SERINC5: variants seen among roughly 807,000 people sequenced by gnomAD.
SERINC5 encodes the protein chromosome 5 open reading frame 12.
In SERINC5, 41 loss-of-function variants were observed where a neutral mutation model predicts 63.1. The ratio of observed to expected loss-of-function variants is 0.65; its 90% CI spans 0.51 to 0.84. The LOEUF is 0.84. Among genes scored for constraint, SERINC5 ranks in the 40% least tolerant of loss-of-function variants. The pLI is 0.00. For synonymous variants in SERINC5, 222 were observed against 215.2 expected (o/e 1.03, Z -0.28); for missense variants, 523 against 573.0 (o/e 0.91, Z 0.89).
chr5:80,185,624 G>A (rs1748746596), intron 2 of SERINC5, among the ~76,000 whole-genome samples: 1 of 152,256 alleles, frequency 6.6e-6, no homozygotes, highest in East Asian at 1.9e-4. Flanking sequence ...AGATAAGGGT[G>A]GGGCCGTTTT....
chr5:80,171,301 CTGGCCCTAAA>C (rs1030324762), intron 5 of SERINC5, among the ~76,000 whole-genome samples: 2 of 152,146 alleles, frequency 1.3e-5, no homozygotes, highest in Non-Finnish European at 2.9e-5. Context: ...GCCACTGTGC[CTGGCCCTAAA>C]TGTTTGATAA....
intron 8 of SERINC5, among the ~76,000 whole-genome samples, chr5:80,154,005 A>G (rs1327731764): frequency 6.6e-6 from 1 of 152,112 alleles, no homozygotes; most frequent in Non-Finnish European, 1.5e-5. Flanking sequence ...CCTGGAGATC[A>G]CACATTCCGC....
intron 11 of SERINC5, chr5:80,128,304 G>C (rs1460374357): frequency 1.3e-5 from 2 of 152,190 alleles, no homozygotes; most frequent in Non-Finnish European, 2.9e-5. Flanking sequence ...TCTTCTGGCT[G>C]GAATGCAGAT....
chr5:80,141,530 C>A lies in SERINC5; in HGVS notation c.*2133G>T. ...AGGACAAAGCAAGGGCTCTGCTAGA[C>A]CTCAGCAGGAGGAAAACAATGAAAC... On this transcript the variant is annotated 3_prime_UTR_variant, in exon 12 of 12. Coordinates refer to ENST00000507668, the MANE Select transcript of SERINC5 (RefSeq NM_001174072.3). The A allele has an allele frequency of 4.1e-6, 4 of 985,476 alleles. No homozygotes were observed. Among genetic ancestry groups the A allele is most frequent in the Non-Finnish European group, 3.6e-6 (3 of 829,984 alleles). The allele number at this position is 985,476 out of a possible 1,614,324, so 61.0% of individuals were successfully genotyped here.
intron 11 of SERINC5, among the ~76,000 whole-genome samples, chr5:80,127,019 ACTT>A (rs1744770854): frequency 6.6e-6 from 1 of 152,188 alleles, no homozygotes; most frequent in African/African-American, 2.4e-5. Context: ...AATCACAATC[ACTT>A]CTGTAAGTTA....
At chr5:80,167,401 A>G (rs1460030154) in intron 6 of SERINC5, among the ~76,000 whole-genome samples, 3 of 152,160 alleles carry the variant, frequency 2.0e-5, no homozygotes, top group African/African-American at 4.8e-5. Flanking sequence ...CGTTCCTGCA[A>G]AGGACATGAT....
intron 1 of SERINC5, among the ~76,000 whole-genome samples, chr5:80,207,345 T>A (rs901410085): frequency 6.6e-6 from 1 of 152,230 alleles, no homozygotes; most frequent in African/African-American, 2.4e-5. Flanking sequence ...AAAATACTTA[T>A]TCTATTTGGG....
chr5:80,135,398 G>C (rs1411458074), downstream of SERINC5, among the ~76,000 whole-genome samples: 4 of 152,164 alleles, frequency 2.6e-5, no homozygotes, highest in Admixed American at 2.6e-4. Context: ...AAGTAAATCA[G>C]GTCCAGCTGT....
chr5:80,139,360 G>A lies in SERINC5; in HGVS notation c.*4303C>T. The A allele has an allele frequency of 1.0e-6, 1 of 984,918 alleles. No homozygotes were observed. Among genetic ancestry groups the A allele is most frequent in the Non-Finnish European group, 1.2e-6 (1 of 829,568 alleles). 61.0% of individuals were successfully genotyped at this position (984,918 alleles called of 1,614,324 possible). A position where few individuals can be genotyped will look rare whatever the true frequency, so the allele number is the denominator to read the frequency against. On this transcript the variant is annotated 3_prime_UTR_variant, in exon 12 of 12. Transcript: ENST00000507668. ...TTTCTTTACCTGAGAGAACTTCCCA[G>A]GATCCTTTATCCCAAAGGATTACCT...
intron 1 of SERINC5, among the ~76,000 whole-genome samples, chr5:80,214,560 C>CAAA (rs10648492): frequency 6.5e-5 from 9 of 138,376 alleles, no homozygotes; most frequent in African/African-American, 8.9e-5. Flanking sequence ...ATTAAAAAAA[C>CAAA]AAAAAAAAAA....
chr5:80,114,518 G>T (rs893572260), intron 11 of SERINC5: 2 of 204,860 alleles, frequency 9.8e-6, no homozygotes, highest in Non-Finnish European at 2.1e-5. Context: ...GCTCACCATG[G>T]TGGCACATGC....
intron 2 of SERINC5, among the ~76,000 whole-genome samples, chr5:80,194,699 C>T (rs1038635911): frequency 1.3e-5 from 2 of 152,124 alleles, no homozygotes; most frequent in Non-Finnish European, 2.9e-5. Context: ...GCGCTATTTC[C>T]AAAAGTAATA....
At chr5:80,201,875 T>A (rs1343593784) in intron 2 of SERINC5, among the ~76,000 whole-genome samples, 1 of 152,204 alleles carries the variant, frequency 6.6e-6, no homozygotes, top group Non-Finnish European at 1.5e-5. Flanking sequence ...TCTCCATTAT[T>A]TGTGAGAATA....
chr5:80,228,249 A>AGGAGGGAGGGAAGGAAAGGAG (rs1561441364), intron 1 of SERINC5, among the ~76,000 whole-genome samples: 10 of 86,042 alleles, frequency 1.2e-4, no homozygotes, highest in African/African-American at 4.7e-4. Flanking sequence ...AGGGAGGGAA[A>AGGAGGGAGGGAAGGAAAGGAG]GGAGGGAGGG....
intron 11 of SERINC5, among the ~76,000 whole-genome samples, chr5:80,114,336 G>A (rs1207834528): frequency 1.3e-5 from 2 of 151,554 alleles, no homozygotes; most frequent in Non-Finnish European, 2.9e-5. Flanking sequence ...GAAAGAGCAT[G>A]TAGAAGAAAC....
At chr5:80,148,996 T>C (rs1470937412) in intron 9 of SERINC5, among the ~76,000 whole-genome samples, 1 of 152,240 alleles carries the variant, frequency 6.6e-6, no homozygotes, top group East Asian at 1.9e-4. Flanking sequence ...GTCTTAGTTA[T>C]TTTGAAGTTC....
rs114298198 is a variant in SERINC5, at chr5:80,250,917, C to T, written c.27+4979G>A. ...AGGCCTAGTCACCTCTGCACAAAAT[C>T]GAATGGAGCTCAGCTCTTTCCCCTA... On this transcript the variant is annotated intron_variant, in intron 1 of 11. Coordinates refer to ENST00000507668, the MANE Select transcript of SERINC5 (RefSeq NM_001174072.3). 9.2e-3 allele frequency among the ~76,000 whole-genome samples: 1,408 copies of T among 152,270 alleles called. 17 individuals carry two copies. The highest frequency in any genetic ancestry group is 0.013 in the Non-Finnish European group (867 of 68,026).
chr5:80,165,303 T>C (rs1283500783), intron 7 of SERINC5, among the ~76,000 whole-genome samples: 1 of 152,200 alleles, frequency 6.6e-6, no homozygotes, highest in Non-Finnish European at 1.5e-5. Context: ...AAATACTATG[T>C]GTATATGCTA....
In SERINC5 at chr5:80,169,557, G is replaced by A. The variant is rs546434592; in HGVS notation, c.552-11C>T. 1.3e-4 allele frequency: 212 copies of A among 1,604,892 alleles called. 1 individual carries two copies. The East Asian group carries it at 3.6e-3, about 27-fold the overall frequency. The stretch of plus-strand genomic sequence containing the variant: ...GCTGTGCCTGCTGTCCTGTTTCTCC[G>A]GGAAGTGGGTAAGAGGGAGAGGAGA... On this transcript the variant is annotated splice_polypyrimidine_tract_variant and intron_variant, in intron 5 of 11. Transcript: ENST00000507668.
Sources: allele counts gnomAD v4.1 joint callset (sites outside exome capture counted in the v4.1 genomes callset), GRCh38; gene constraint gnomAD v4.1.1; transcripts MANE v1.5; gene names NCBI Gene and HGNC (gene_info 2026-07-23, HGNC 2026-07-21).